Variants in DAB1 observed in about 807,000 individuals in gnomAD.
DAB1 encodes the protein disabled homolog 1.
Under a neutral mutation model 64.6 loss-of-function variants are expected in DAB1, and 15 were observed. That is an observed-to-expected ratio of 0.23 (90% confidence interval 0.16 to 0.36). The LOEUF is 0.36. Among genes scored for constraint, DAB1 ranks in the 10% least tolerant of loss-of-function variants. DAB1 has a pLI of 1.00. For missense variants in DAB1, 596 were observed against 706.7 expected (o/e 0.84, Z 1.78); for synonymous variants, 235 against 251.9 (o/e 0.93, Z 0.64).
chr1:57,687,615 A>AG lies in DAB1; in HGVS notation n.552-37951_552-37950insC, dbSNP rs1285660602. Among the ~76,000 whole-genome samples the AG allele has an allele frequency of 2.2e-3, 324 of 149,278 alleles. 2 individuals carry two copies. The highest frequency in any genetic ancestry group is 7.1e-3 in the African/African-American group (290 of 40,922). On this transcript the variant is annotated intron_variant and non_coding_transcript_variant, in intron 6 of 20. Coordinates refer to the DAB1 transcript ENST00000485760. ...CTTAAGAAACAAAAAAAAAAAAAAA[A>AG]AAAAGAAAAAAAGAACAAAGCTCTA...
At chr1:57,615,855 T>C (rs1645785742) in intron 7 of DAB1, among the ~76,000 whole-genome samples, 1 of 152,194 alleles carries the variant, frequency 6.6e-6, no homozygotes, top group Non-Finnish European at 1.5e-5. Flanking sequence ...TAACAACTCA[T>C]GACTGGAGAT....
chr1:58,162,015 GA>G (rs1210256555), intron 4 of DAB1, among the ~76,000 whole-genome samples: 1 of 152,146 alleles, frequency 6.6e-6, no homozygotes, highest in African/African-American at 2.4e-5. Flanking sequence ...GAAGAGAAGG[GA>G]GGAGGTAACA....
At chr1:57,219,122 G>T (rs929304878) in intron 2 of DAB1, among the ~76,000 whole-genome samples, 1 of 152,146 alleles carries the variant, frequency 6.6e-6, no homozygotes, top group Non-Finnish European at 1.5e-5. Context: ...ATACAGTTTG[G>T]ATTTTTATGA....
intron 4 of DAB1, among the ~76,000 whole-genome samples, chr1:58,318,831 C>T (rs12047735): frequency 0.027 from 4,186 of 152,246 alleles, 216 homozygotes; most frequent in East Asian, 0.23. Context: ...TCCAAGCATG[C>T]ATTGTAAATC....
chr1:57,253,623 T>G (rs1051643827), intron 2 of DAB1, among the ~76,000 whole-genome samples: 4 of 152,088 alleles, frequency 2.6e-5, no homozygotes, highest in African/African-American at 7.2e-5. Context: ...ATAAAACAAC[T>G]AAAACACCCT....
chr1:58,490,795 CTTTTTTTTTTTT>C (rs148145860), intron 3 of DAB1, among the ~76,000 whole-genome samples: 13 of 59,274 alleles, frequency 2.2e-4, no homozygotes, highest in Non-Finnish European at 3.0e-4. Context: ...AGTCAACATT[CTTTTTTTTTTTT>C]TTTTTTTTTT....
intron 4 of DAB1, among the ~76,000 whole-genome samples, chr1:57,114,312 G>T (rs1344141021): frequency 6.6e-6 from 1 of 152,128 alleles, no homozygotes; most frequent in African/African-American, 2.4e-5. Context: ...GGAAGATGAT[G>T]CTATTTTCTT....
chr1:57,500,342 C>T (rs1355740305), intron 7 of DAB1, among the ~76,000 whole-genome samples: 1 of 152,176 alleles, frequency 6.6e-6, no homozygotes, highest in Non-Finnish European at 1.5e-5. Context: ...GAAAACGAAG[C>T]CTGCCAATCT....
chr1:57,353,366 C>T (rs1249732799), intron 1 of DAB1, among the ~76,000 whole-genome samples: 3 of 152,066 alleles, frequency 2.0e-5, no homozygotes, highest in Non-Finnish European at 4.4e-5. Flanking sequence ...CCTATTCTGC[C>T]TATGGTTTTC....
At chr1:58,357,907 C>G (rs935679915) in intron 3 of DAB1, among the ~76,000 whole-genome samples, 2 of 152,132 alleles carry the variant, frequency 1.3e-5, no homozygotes, top group African/African-American at 4.8e-5. Context: ...TTCCTCCACC[C>G]GTAAACATTT....
At chr1:57,308,705 AC>A (rs1321700435) in intron 1 of DAB1, among the ~76,000 whole-genome samples, 1 of 152,234 alleles carries the variant, frequency 6.6e-6, no homozygotes, top group East Asian at 1.9e-4. Flanking sequence ...GCTAAAAAGT[AC>A]TTTTCCATCT....
chr1:57,017,156 G>T (rs1162241088), intron 11 of DAB1, among the ~76,000 whole-genome samples: 1 of 152,044 alleles, frequency 6.6e-6, no homozygotes. Flanking sequence ...GCTTCCAGGG[G>T]TCCCCACCCT....
At chr1:57,814,128 G>A (rs1479510293) in intron 6 of DAB1, among the ~76,000 whole-genome samples, 1 of 152,148 alleles carries the variant, frequency 6.6e-6, no homozygotes, top group African/African-American at 2.4e-5. Flanking sequence ...TAAATAAGAA[G>A]AACTGTTAGA....
intron 4 of DAB1, among the ~76,000 whole-genome samples, chr1:58,189,949 C>T (rs1657295729): frequency 1.3e-5 from 2 of 152,118 alleles, no homozygotes; most frequent in Non-Finnish European, 2.9e-5. Flanking sequence ...TTGTATTTGT[C>T]CTCCTTTTTC....
chr1:58,008,355 C>A (rs1646617825), intron 5 of DAB1, among the ~76,000 whole-genome samples: 2 of 151,996 alleles, frequency 1.3e-5, no homozygotes, highest in African/African-American at 4.8e-5. Context: ...GGCCAAAACA[C>A]AACAACATAA....
intron 4 of DAB1, among the ~76,000 whole-genome samples, chr1:57,076,140 C>A (rs1324039733): frequency 1.3e-5 from 2 of 152,112 alleles, no homozygotes; most frequent in East Asian, 3.9e-4. Context: ...GAGGCACAGC[C>A]CATGGTCCTA....
intron 6 of DAB1, among the ~76,000 whole-genome samples, chr1:57,724,289 AG>A (rs1557444146): frequency 1.8e-5 from 2 of 111,196 alleles, no homozygotes. Context: ...GAAGGAACGA[AG>A]GAAGGAAGGA....
At chr1:57,934,063 T>TTGTGTGTGTG (rs55848780) in intron 5 of DAB1, among the ~76,000 whole-genome samples, 27,801 of 127,816 alleles carry the variant, frequency 0.22, 3,603 homozygotes, top group Middle Eastern at 0.3. Flanking sequence ...GCCCAGCTAA[T>TTGTGTGTGTG]TGTGTGTGTG....
At chr1:58,030,363 C>T (rs1005709970) in intron 5 of DAB1, among the ~76,000 whole-genome samples, 1 of 151,948 alleles carries the variant, frequency 6.6e-6, no homozygotes, top group Non-Finnish European at 1.5e-5. Flanking sequence ...TTTTTTATTT[C>T]CAAGGTTTCC....
Sources: gnomAD v4.1 joint callset for allele counts (sites outside exome capture counted in the v4.1 genomes callset) on GRCh38, gnomAD v4.1.1 for gene constraint, MANE v1.5 for transcripts, NCBI Gene and HGNC (gene_info 2026-07-23, HGNC 2026-07-21) for gene names.